The following UMODL1 variants were observed in gnomAD, a reference collection of about 807,000 sequenced individuals.
UMODL1 encodes the protein uromodulin like 1.
In UMODL1, 128 loss-of-function variants were observed where a neutral mutation model predicts 136.3. The ratio of observed to expected loss-of-function variants is 0.94; its 90% confidence interval spans 0.81 to 1.09. UMODL1 has a LOEUF of 1.09. UMODL1 is among the 50% of genes least tolerant of loss of function. The probability of loss-of-function intolerance (pLI) is 0.00; values close to 1 mark genes in which losing one functional copy is unlikely to be tolerated. For synonymous variants in UMODL1, 721 were observed against 720.0 expected, an observed-to-expected ratio of 1.00 and a Z score of -0.02; for missense variants, 1,766 against 1,725.6, an observed-to-expected ratio of 1.02 and a Z score of -0.41.
intron 20 of UMODL1, among the ~76,000 whole-genome samples, chr21:42,128,498 T>C (rs879721471): frequency 2.9e-5 from 4 of 137,900 alleles, no homozygotes; most frequent in Non-Finnish European, 6.1e-5. Context: ...CCTGCTCTCA[T>C]CTGAGCTGTT....
At chr21:42,111,177 ACCCCAGCCAGGGGAG>A (rs745915827) in intron 11 of UMODL1, 56 bp downstream of exon 11, 204 of 1,572,022 alleles carry the variant, frequency 1.3e-4, no homozygotes, top group Admixed American at 6.8e-4. Context: ...AGCCAGGTGA[ACCCCAGCCAGGGGAG>A]CCCCAGCCAG....
intron 7 of UMODL1, among the ~76,000 whole-genome samples, chr21:42,101,440 T>C (rs1399507854): frequency 6.6e-6 from 1 of 152,122 alleles, no homozygotes; most frequent in Non-Finnish European, 1.5e-5. Context: ...GGTGACACAC[T>C]CTGATGGCCC....
intron 6 of UMODL1, among the ~76,000 whole-genome samples, chr21:42,096,104 A>G (rs2066554748): frequency 1.3e-5 from 2 of 152,190 alleles, no homozygotes; most frequent in South Asian, 4.1e-4. Flanking sequence ...TAGAAGCTCA[A>G]TTAAAAAAAA....
rs1227246356 is a variant in UMODL1, at chr21:42,109,646, A to G, written c.1604A>G (p.Gln535Arg). 1.2e-5 allele frequency: 20 copies of G among 1,609,458 alleles called. No homozygotes were observed. Among genetic ancestry groups the G allele is most frequent in the Non-Finnish European group, 1.5e-5 (18 of 1,180,008 alleles). Residue 535 changes from glutamine to arginine, a missense_variant, in exon 10 of 23, where the codon CAG becomes CGG. Gln to Arg is a conservative substitution (Grantham distance 43). Transcript: ENST00000408910. ...CINLEGSYTCQCRTTRDATPS... is the reference protein window; with the variant it reads ...CINLEGSYTCRCRTTRDATPS... ...AACCTGGAGGGCTCCTACACCTGCC[A>G]GTGCCGTACCACCAGGGACGCCACC...
At chr21:42,120,740 G>C (rs1049649578) in intron 15 of UMODL1, 2 of 204,920 alleles carry the variant, frequency 9.8e-6, no homozygotes, top group Middle Eastern at 1.6e-3. Context: ...CCAGGGTTGG[G>C]CTTGCAGCCT....
In UMODL1 at chr21:42,095,089, G is replaced by GGTTTTTTTT. The variant is rs1555922532; in HGVS notation, c.932-3837_932-3836insGTTTTTTTT. Among the ~76,000 whole-genome samples the GGTTTTTTTT allele has an allele frequency of 1.1e-3, 70 of 61,194 alleles. 3 individuals are homozygous for GGTTTTTTTT. Among genetic ancestry groups the GGTTTTTTTT allele is most frequent in the East Asian group, 4.4e-3 (8 of 1,814 alleles). The allele number at this position is 61,194 out of a possible 152,430, so 40.1% of individuals were successfully genotyped here. ...CATCACTCCTTTGTTTTCTTCTGCT[G>GGTTTTTTTT]TTTTTTTTTTTTTTTTTTTTTTTGA... On this transcript the variant is annotated intron_variant, in intron 6 of 22. Coordinates refer to ENST00000408910, the MANE Select transcript of UMODL1 (RefSeq NM_001004416.3).
Position 42,103,933 on chromosome 21 carries a change from C to A in UMODL1, c.1365C>A (p.Ile455=), listed in dbSNP as rs139536052. 1 of 1,614,148 alleles carries A rather than the reference C, an allele frequency of 6.2e-7. No homozygotes were observed. The highest frequency in any genetic ancestry group is 8.5e-7 in the Non-Finnish European group (1 of 1,180,040). ...GAAGTGGGAAGCTGAGAATGCAGATCGTGTCTCTCCAGGCGGGAAGTGTGG... is the reference window on the plus strand; with the variant it reads ...GAAGTGGGAAGCTGAGAATGCAGATAGTGTCTCTCCAGGCGGGAAGTGTGG... ...LYRSGKLRMQ[I]VSLQAGSVVV... Residue 455 remains isoleucine (I), a synonymous_variant, in exon 9 of 23, where the codon ATC becomes ATA. Transcript: ENST00000408910.
At chr21:42,107,518 G>A (rs2066738808) in intron 9 of UMODL1, among the ~76,000 whole-genome samples, 1 of 152,212 alleles carries the variant, frequency 6.6e-6, no homozygotes, top group South Asian at 2.1e-4. Flanking sequence ...CTCACCTGCT[G>A]GCCAGGCTAA....
chr21:42,131,222 C>T (rs2067130006), intron 21 of UMODL1, among the ~76,000 whole-genome samples: 4 of 152,098 alleles, frequency 2.6e-5, no homozygotes, highest in Non-Finnish European at 5.9e-5. Context: ...GTTGGTTTTC[C>T]TTTTTTTGTT....
chr21:42,122,976 G>A lies in UMODL1; in HGVS notation c.2973G>A (p.Val991=). 1 of 1,614,080 alleles carries A rather than the reference G, an allele frequency of 6.2e-7. No homozygotes were observed. ...QRLNLTGAVR[V]LCEIEKVVVA... ...TGAACCTGACCGGAGCAGTCAGGGT[G>A]CTCTGTGAGATCGAGAAGGTGGTTG... The change falls in exon 17 of 23, where the codon GTG becomes GTA. Residue 991 remains valine, a synonymous_variant. Transcript: ENST00000408910. The surrounding 1 kb of genome is among the most constrained non-coding windows in gnomAD (Gnocchi z 4.3).
At chr21:42,071,315 C>A, upstream of UMODL1, 1 of 1,579,858 alleles carries the variant, frequency 6.3e-7, no homozygotes, top group South Asian at 1.2e-5. Context: ...CACTGCCGGA[C>A]GATGCTCAGG....
Position 42,104,015 on chromosome 21 carries a change from C to G in UMODL1, c.1447C>G (p.Leu483Val), listed in dbSNP as rs758786952. ...DPGFPMGISTLAPILQPLLAS... is the reference protein window; with the variant it reads ...DPGFPMGISTVAPILQPLLAS... ...CGGGTTTCCCATGGGCATCTCCACGCTGGCCCCCATACTCCAGCCCCTGTT... is the reference window on the plus strand; with the variant it reads ...CGGGTTTCCCATGGGCATCTCCACGGTGGCCCCCATACTCCAGCCCCTGTT... The change falls in exon 9 of 23, where the codon CTG (leucine) becomes GTG (valine). Residue 483 changes from leucine to valine, a missense_variant. Leu to Val is a conservative substitution (Grantham distance 32). Coordinates refer to ENST00000408910, the MANE Select transcript of UMODL1 (RefSeq NM_001004416.3). 1.2e-6 allele frequency: 2 copies of G among 1,614,032 alleles called. No homozygotes were observed. Among genetic ancestry groups the G allele is most frequent in the Non-Finnish European group, 1.7e-6 (2 of 1,180,026 alleles).
chr21:42,115,714 G>C (rs2066893328), intron 13 of UMODL1, among the ~76,000 whole-genome samples, 159 bp from the exon 14 acceptor site: 1 of 152,200 alleles, frequency 6.6e-6, no homozygotes, highest in African/African-American at 2.4e-5. Flanking sequence ...CTGATGGGCT[G>C]TGTCCCTGAG....
chr21:42,075,994 G>T lies in UMODL1; in HGVS notation c.77-11G>T. The T allele has an allele frequency of 6.2e-7, 1 of 1,612,228 alleles. No homozygotes were observed. The stretch of plus-strand genomic sequence containing the variant: ...GTGTTCTCAGTCGCCTTCTTGCTTG[G>T]CCTCTTTCAGAAAAAGGCCTCTCCC... On this transcript the variant is annotated splice_polypyrimidine_tract_variant and intron_variant, in intron 1 of 22. Transcript: ENST00000408910.
In UMODL1 at chr21:42,137,360, G is replaced by A. The variant is rs145347186; in HGVS notation, c.3776-79G>A. 1.1e-4 allele frequency: 173 copies of A among 1,552,936 alleles called. 1 individual carries two copies. In the African/African-American group the frequency reaches 1.8e-3, roughly 16 times the overall value. ...CCCGTGCTTCAGATCCATCAGCCCC[G>A]GATCCGGGTGGAGGGCTTGCTCTAT... On this transcript the variant is annotated intron_variant, in intron 21 of 22. Transcript: ENST00000408910.
At chr21:42,065,801 G>C (rs969217825) in intron 1 of UMODL1, among the ~76,000 whole-genome samples, 1 of 152,026 alleles carries the variant, frequency 6.6e-6, no homozygotes, top group African/African-American at 2.4e-5. Flanking sequence ...CAAAGTGTTG[G>C]GATTTCAGGA....
At chr21:42,080,394 C>T (rs1000298896) in intron 2 of UMODL1, among the ~76,000 whole-genome samples, 2 of 152,170 alleles carry the variant, frequency 1.3e-5, no homozygotes, top group African/African-American at 4.8e-5. Flanking sequence ...GTGGGTGACT[C>T]ACACCTCAGC....
intron 6 of UMODL1, among the ~76,000 whole-genome samples, chr21:42,094,777 A>G (rs1209018672): frequency 1.3e-5 from 2 of 152,192 alleles, no homozygotes; most frequent in Non-Finnish European, 2.9e-5. Context: ...GTTTTACAAC[A>G]CAAAGAAAAC....
At chr21:42,064,632 C>T (rs1454672190) in intron 1 of UMODL1, among the ~76,000 whole-genome samples, 6 of 151,684 alleles carry the variant, frequency 4.0e-5, no homozygotes, top group African/African-American at 1.2e-4. Context: ...TCTCGGCGCA[C>T]TGCAACCTCT....
Sources: allele counts gnomAD v4.1 joint callset (sites outside exome capture counted in the v4.1 genomes callset), GRCh38; gene constraint gnomAD v4.1.1; non-coding constraint Gnocchi (gnomAD v3.1); transcripts MANE v1.5; gene names NCBI Gene and HGNC (gene_info 2026-07-23, HGNC 2026-07-21).